The following LHX9 variants were observed in gnomAD, a reference collection of about 807,000 sequenced individuals.
LHX9 encodes LIM/homeobox protein Lhx9.
Under a neutral mutation model 36.5 loss-of-function variants are expected in LHX9, and 9 were observed. The ratio of observed to expected loss-of-function variants is 0.25; its 90% confidence interval spans 0.15 to 0.43. LHX9 has a LOEUF of 0.43. Among genes scored for constraint, LHX9 ranks in the 20% least tolerant of loss-of-function variants. The probability of loss-of-function intolerance (pLI) is 1.00; values close to 1 mark genes in which losing one functional copy is unlikely to be tolerated. For synonymous variants in LHX9, 211 were observed against 212.1 expected (o/e 0.99, Z 0.04); for missense variants, 464 against 526.4 (o/e 0.88, Z 1.16).
chr1:197,917,873 C>G lies in LHX9; in HGVS notation c.50C>G (p.Pro17Arg), dbSNP rs1029168176. 2.5e-6 allele frequency: 4 copies of G among 1,614,112 alleles called. No individual in the cohort carries two copies. The highest frequency in any genetic ancestry group is 3.4e-6 in the Non-Finnish European group (4 of 1,180,060). The stretch of plus-strand genomic sequence containing the variant: ...GAAGACAACTCGTGTCCTTTCCGCC[C>G]CCCAGCCATGCTCTTTCACGGGATC... ...RAEDNSCPFR[P>R]PAMLFHGISG... is the part of the protein sequence containing the mutation. The change falls in exon 1 of 5, where the codon CCC (proline) becomes CGC (arginine). Residue 17 changes from proline (P) to arginine (R), a missense_variant. By Grantham distance (103) the Pro-to-Arg change is moderately radical. This residue lies in a region of LHX9 where 119 missense variants were observed against 102.4 expected (regional missense o/e 1.16). Coordinates refer to ENST00000367387, the MANE Select transcript of LHX9 (RefSeq NM_020204.3).
chr1:197,929,001 G>T lies in LHX9; in HGVS notation c.937-1G>T, dbSNP rs1660237294. 1 of 1,594,652 alleles carries T rather than the reference G, an allele frequency of 6.3e-7. No individual in the cohort carries two copies. The highest frequency in any genetic ancestry group is 8.6e-7 in the Non-Finnish European group (1 of 1,169,372). ...AGAAATCAATTGGGATTGGTTTGCA[G>T]GTTTGGTTCCAAAACGCACGAGCCA... On this transcript the variant is annotated splice_acceptor_variant, in intron 4 of 4. Transcript: ENST00000367387. LOFTEE classifies it high-confidence loss of function.
rs187864115 is a variant in LHX9 at position 197,931,706 on chromosome 1, A to G, written c.*2447A>G. 74 of 445,254 alleles carry G rather than the reference A, an allele frequency of 1.7e-4. No homozygotes were observed. The highest frequency in any genetic ancestry group is 4.8e-4 in the Admixed American group (13 of 26,922). The allele number at this position is 445,254 out of a possible 1,614,324, so 27.6% of individuals were successfully genotyped here. Reference sequence around the variant, plus strand: ...AATATATTTGCTTATAACAAAAGTAATGCCCCACTGATTTGACTCAGTCCA... The same window carrying G: ...AATATATTTGCTTATAACAAAAGTAGTGCCCCACTGATTTGACTCAGTCCA... On this transcript the variant is annotated 3_prime_UTR_variant, in exon 5 of 5. Transcript: ENST00000367387.
chr1:197,917,473 T>C lies in LHX9; in HGVS notation c.-351T>C. 3 of 1,347,368 alleles carry C rather than the reference T, an allele frequency of 2.2e-6. No homozygotes were observed. The highest frequency in any genetic ancestry group is 2.9e-6 in the Non-Finnish European group (3 of 1,017,676). 83.5% of individuals were successfully genotyped at this position (1,347,368 alleles called of 1,614,324 possible). A position where few individuals can be genotyped will look rare whatever the true frequency, so the allele number is the denominator to read the frequency against. ...TCTTTGTGTTCAAAACTATTTTCTT[T>C]CTTCACCAGATTTTGTTTTCCTCCC... On this transcript the variant is annotated 5_prime_UTR_variant, in exon 1 of 5. Transcript: ENST00000367387.
Position 197,929,874 on chromosome 1 carries a change from T to C in LHX9, c.*615T>C. ...TAGTAATGATTAATTAGGTGAGAAATCTATTACAGGAATGTGACTTTTCCT... is the reference window on the plus strand; with the variant it reads ...TAGTAATGATTAATTAGGTGAGAAACCTATTACAGGAATGTGACTTTTCCT... On this transcript the variant is annotated 3_prime_UTR_variant, in exon 5 of 5. Coordinates refer to ENST00000367387, the MANE Select transcript of LHX9 (RefSeq NM_020204.3). 1.0e-6 allele frequency: 1 copy of C among 960,678 alleles called. No homozygotes were observed. The highest frequency in any genetic ancestry group is 1.2e-6 in the Non-Finnish European group (1 of 807,362). 59.5% of individuals were successfully genotyped at this position (960,678 alleles called of 1,614,324 possible). A position where few individuals can be genotyped will look rare whatever the true frequency, so the allele number is the denominator to read the frequency against.
At chr1:197,914,541 A>G (rs1659696641), upstream of LHX9, among the ~76,000 whole-genome samples, 1 of 152,138 alleles carries the variant, frequency 6.6e-6, no homozygotes, top group Non-Finnish European at 1.5e-5. Context: ...GCTCTTAGGC[A>G]ATCTTTCTTG....
chr1:197,921,236 G>C lies in LHX9; in HGVS notation c.378-68G>C. ...CTCAGGCCACTGCAGACCAAACCCAGGTGTCGCGGGTGGGATATGGCTCTG... is the reference window on the plus strand; with the variant it reads ...CTCAGGCCACTGCAGACCAAACCCACGTGTCGCGGGTGGGATATGGCTCTG... On this transcript the variant is annotated intron_variant, in intron 2 of 4. Transcript: ENST00000367387. This position sits in a 1 kb window ranked among gnomAD's most constrained non-coding sequence, Gnocchi z 4.6. 7.3e-7 allele frequency: 1 copy of C among 1,369,402 alleles called. No individual in the cohort carries two copies. Among genetic ancestry groups the C allele is most frequent in the Non-Finnish European group, 1.0e-6 (1 of 991,648 alleles). 84.8% of individuals were successfully genotyped at this position (1,369,402 alleles called of 1,614,324 possible). A position where few individuals can be genotyped will look rare whatever the true frequency, so the allele number is the denominator to read the frequency against.
At position 197,917,523 on chromosome 1, in the gene LHX9, T is replaced by A. The variant is rs774286242; in HGVS notation, c.-301T>A. 1 of 1,425,736 alleles carries A rather than the reference T, an allele frequency of 7.0e-7. No individual in the cohort carries two copies. Among genetic ancestry groups the A allele is most frequent in the South Asian group, 1.2e-5 (1 of 82,060 alleles). 88.3% of individuals were successfully genotyped at this position (1,425,736 alleles called of 1,614,324 possible). A position where few individuals can be genotyped will look rare whatever the true frequency, so the allele number is the denominator to read the frequency against. ...CCCCGCTGCAGTTGTTTCCCATTAG[T>A]AACTCGATCTCTCAGAGCAGTAAGA... On this transcript the variant is annotated 5_prime_UTR_variant, in exon 1 of 5. Coordinates refer to ENST00000367387, the MANE Select transcript of LHX9 (RefSeq NM_020204.3).
rs1266419482 is a variant in LHX9, at chr1:197,929,707, G to T, written c.*448G>T. 1.4e-5 allele frequency: 13 copies of T among 938,592 alleles called. No individual in the cohort carries two copies. The highest frequency in any genetic ancestry group is 1.7e-5 in the Non-Finnish European group (13 of 787,278). 58.1% of individuals were successfully genotyped at this position (938,592 alleles called of 1,614,324 possible). Reference sequence around the variant, plus strand: ...CTTTTTAAATCTTGCAATTGTATGTGTGATTATGGAGTTTTGAAAACGTTA... The same window carrying T: ...CTTTTTAAATCTTGCAATTGTATGTTTGATTATGGAGTTTTGAAAACGTTA... On this transcript the variant is annotated 3_prime_UTR_variant, in exon 5 of 5. Coordinates refer to ENST00000367387, the MANE Select transcript of LHX9 (RefSeq NM_020204.3).
chr1:197,918,134 C>A, intron 1 of LHX9, 137 bp downstream of exon 1: 1 of 910,048 alleles, frequency 1.1e-6, no homozygotes, highest in Non-Finnish European at 1.7e-6. Flanking sequence ...TGAGTTTTCT[C>A]CCGTCCACCT....
upstream of LHX9, chr1:197,917,307 A>G (rs1299346375): frequency 1.6e-6 from 2 of 1,244,422 alleles, no homozygotes; most frequent in Non-Finnish European, 2.1e-6. Context: ...AACTCCTCCT[A>G]CTAAATTATC....
chr1:197,917,400 G>A lies in LHX9; in HGVS notation c.-424G>A. 1 of 1,308,386 alleles carries A rather than the reference G, an allele frequency of 7.6e-7. No homozygotes were observed. The highest frequency in any genetic ancestry group is 1.0e-6 in the Non-Finnish European group (1 of 991,936). The allele number at this position is 1,308,386 out of a possible 1,614,324, so 81.0% of individuals were successfully genotyped here. A position where few individuals can be genotyped will look rare whatever the true frequency, so the allele number is the denominator to read the frequency against. On this transcript the variant is annotated 5_prime_UTR_variant, in exon 1 of 5. Transcript: ENST00000367387. The stretch of plus-strand genomic sequence containing the variant: ...CCCCAACCCAATCTACAGGCACTGG[G>A]AACTTGCAAGCAGCCAGGGAACGCT...
Position 197,933,459 on chromosome 1 carries a change from A to G in LHX9, c.*4200A>G, listed in dbSNP as rs2102606646. On this transcript the variant is annotated 3_prime_UTR_variant, in exon 5 of 5. Transcript: ENST00000367387. ...TCAGTAACTTGAATGTTTATGCCTCATTGAAACCTCATCCACAGCTATAGC... is the reference window on the plus strand; with the variant it reads ...TCAGTAACTTGAATGTTTATGCCTCGTTGAAACCTCATCCACAGCTATAGC... The G allele has an allele frequency of 6.6e-6, 1 of 152,290 alleles. No homozygotes were observed. The highest frequency in any genetic ancestry group is 2.1e-4 in the South Asian group (1 of 4,826). The allele number at this position is 152,290 out of a possible 1,614,324, so 9.4% of individuals were successfully genotyped here. A position where few individuals can be genotyped will look rare whatever the true frequency, so the allele number is the denominator to read the frequency against.
At chr1:197,915,100 G>A (rs1659709480), upstream of LHX9, among the ~76,000 whole-genome samples, 1 of 152,080 alleles carries the variant, frequency 6.6e-6, no homozygotes, top group Non-Finnish European at 1.5e-5. Flanking sequence ...GGTATTCTTG[G>A]GTTCTTCATT....
chr1:197,918,021 G>T (rs780800892), intron 1 of LHX9, 24 bp downstream of exon 1: 1 of 1,602,794 alleles, frequency 6.2e-7, no homozygotes, highest in South Asian at 1.1e-5. Flanking sequence ...CCGCCGCGGC[G>T]GTAGCCGGGC....
rs1207962451 is a variant in LHX9, at chr1:197,918,005, A to G, written c.174+8A>G. ...CTCAACGGCCGCGACGCGGTAAGGAAGGGCTCCGCCGCGGCGGTAGCCGGG... is the reference window on the plus strand; with the variant it reads ...CTCAACGGCCGCGACGCGGTAAGGAGGGGCTCCGCCGCGGCGGTAGCCGGG... On this transcript the variant is annotated splice_region_variant and intron_variant, in intron 1 of 4. Transcript: ENST00000367387. 2 of 1,607,502 alleles carry G rather than the reference A, an allele frequency of 1.2e-6. No individual in the cohort carries two copies. Among genetic ancestry groups the G allele is most frequent in the Non-Finnish European group, 1.7e-6 (2 of 1,177,422 alleles).
Position 197,921,279 on chromosome 1 carries a change from C to T in LHX9, c.378-25C>T, listed in dbSNP as rs1456363929. 6.3e-7 allele frequency: 1 copy of T among 1,588,294 alleles called. No homozygotes were observed. Among genetic ancestry groups the T allele is most frequent in the East Asian group, 2.2e-5 (1 of 44,638 alleles). On this transcript the variant is annotated intron_variant, in intron 2 of 4. Transcript: ENST00000367387. The surrounding 1 kb of genome is among the most constrained non-coding windows in gnomAD (Gnocchi z 4.6). ...TGGCTCTGCCTTGCTTCAACTAGCGCCCTGACTCAACTCTTTCCTTCCAGA... is the reference window on the plus strand; with the variant it reads ...TGGCTCTGCCTTGCTTCAACTAGCGTCCTGACTCAACTCTTTCCTTCCAGA...
Position 197,921,217 on chromosome 1 carries a change from C to A in LHX9, c.378-87C>A. The A allele has an allele frequency of 9.2e-7, 1 of 1,089,082 alleles. No individual in the cohort carries two copies. Among genetic ancestry groups the A allele is most frequent in the Non-Finnish European group, 1.3e-6 (1 of 752,866 alleles). The allele number at this position is 1,089,082 out of a possible 1,614,324, so 67.5% of individuals were successfully genotyped here. ...AACCCTCCCAGGTCCCAGTCTCAGG[C>A]CACTGCAGACCAAACCCAGGTGTCG... On this transcript the variant is annotated intron_variant, in intron 2 of 4. Coordinates refer to ENST00000367387, the MANE Select transcript of LHX9 (RefSeq NM_020204.3). The surrounding 1 kb of genome is among the most constrained non-coding windows in gnomAD (Gnocchi z 4.6).
In LHX9 at chr1:197,917,466, TTTTC is replaced by T; in HGVS notation, c.-351_-348del. On this transcript the variant is annotated 5_prime_UTR_variant, in exon 1 of 5. Coordinates refer to ENST00000367387, the MANE Select transcript of LHX9 (RefSeq NM_020204.3). The stretch of plus-strand genomic sequence containing the variant: ...TTTTCTTTCTTTGTGTTCAAAACTA[TTTTC>T]TTTCTTCACCAGATTTTGTTTTCCT... 7.5e-7 allele frequency: 1 copy of T among 1,337,056 alleles called. No homozygotes were observed. The highest frequency in any genetic ancestry group is 9.9e-7 in the Non-Finnish European group (1 of 1,010,916). The allele number at this position is 1,337,056 out of a possible 1,614,324, so 82.8% of individuals were successfully genotyped here. A position where few individuals can be genotyped will look rare whatever the true frequency, so the allele number is the denominator to read the frequency against.
At chr1:197,918,497 C>T (rs1659852458) in intron 1 of LHX9, 1 of 658,336 alleles carries the variant, frequency 1.5e-6, no homozygotes, top group Non-Finnish European at 2.8e-6. Flanking sequence ...TCTCTAGACG[C>T]TCGGGGCTTG....
Sources: allele counts gnomAD v4.1 joint callset (sites outside exome capture counted in the v4.1 genomes callset), GRCh38; gene constraint gnomAD v4.1.1; regional missense constraint gnomAD v4.1.1; non-coding constraint Gnocchi (gnomAD v3.1); transcripts MANE v1.5; gene names NCBI Gene and HGNC (gene_info 2026-07-23, HGNC 2026-07-21).